Variants in CYFIP1 observed in about 807,000 individuals in gnomAD.
CYFIP1 encodes cytoplasmic FMR1 interacting protein 1.
CYFIP1 carries 58 observed loss-of-function variants against 163.5 expected under a neutral mutation model. That is an observed-to-expected ratio of 0.35 (90% confidence interval 0.29 to 0.44). CYFIP1 has a LOEUF of 0.44. CYFIP1 is among the 20% of genes least tolerant of loss of function. The pLI is 1.00. For missense variants in CYFIP1, 1,338 were observed against 1,653.8 expected, an observed-to-expected ratio of 0.81 and a Z score of 3.31; for synonymous variants, 663 against 660.7, an observed-to-expected ratio of 1.00 and a Z score of -0.05.
Position 22,874,460 on chromosome 15 carries a change from G to A in CYFIP1, c.3210+90C>T, listed in dbSNP as rs556118689. On this transcript the variant is annotated intron_variant, in intron 28 of 30. Transcript: ENST00000617928. Reference sequence around the variant, plus strand: ...CAGCCACGCAGCCGCTGGACTTCACGATGCCTTCCAGTCTGGCTCCCAACC... The same window carrying A: ...CAGCCACGCAGCCGCTGGACTTCACAATGCCTTCCAGTCTGGCTCCCAACC... 74 of 949,782 alleles carry A rather than the reference G, an allele frequency of 7.8e-5. 1 individual carries two copies. In the South Asian group the frequency reaches 9.9e-4, roughly 13 times the overall value. 58.8% of individuals were successfully genotyped at this position (949,782 alleles called of 1,614,324 possible).
In CYFIP1 at chr15:22,918,852, C is replaced by T. The variant is rs759931816; in HGVS notation, c.1366G>A (p.Ala456Thr). The T allele has an allele frequency of 1.9e-6, 3 of 1,599,938 alleles. No homozygotes were observed. The highest frequency in any genetic ancestry group is 1.1e-5 in the South Asian group (1 of 88,672). The change falls in exon 14 of 31, where the codon GCC (alanine) becomes ACC (threonine). Residue 456 changes from alanine to threonine, a missense_variant. Physicochemically the swap from Ala to Thr is moderately conservative, Grantham distance 58. Transcript: ENST00000617928. ...EEKFALVEVI[A>T]MIKGLQVLMG... ...AGCACCTGCAGGCCTTTGATCATGG[C>T]GATCACCTGCGGGGGACACAGCAAC...
Position 22,879,930 on chromosome 15 carries a change from G to A in CYFIP1, c.3025C>T (p.Leu1009Phe), listed in dbSNP as rs1300856367. 1.9e-6 allele frequency: 3 copies of A among 1,612,640 alleles called. No individual in the cohort carries two copies. Among genetic ancestry groups the A allele is most frequent in the Non-Finnish European group, 2.5e-6 (3 of 1,179,938 alleles). ...EVGNAILFCL[L>F]IEQSLSLEEV... ...CCACTCACCAGGCTCTGCTCGATGAGCAGGCAGAAGAGGATGGCGTTCCCC... is the reference window on the plus strand; with the variant it reads ...CCACTCACCAGGCTCTGCTCGATGAACAGGCAGAAGAGGATGGCGTTCCCC... The change falls in exon 26 of 31, where the codon CTC becomes TTC. Residue 1009 changes from leucine to phenylalanine, a missense_variant. By Grantham distance (22) the Leu-to-Phe change is conservative (BLOSUM62 0). Around this residue, in one of 4 missense-constraint regions of CYFIP1, gnomAD observed 306 missense variants for 322.1 expected, o/e 0.95. Transcript: ENST00000617928.
rs532553833 is a variant in CYFIP1, at chr15:22,954,995, C to G, written c.-6-7704G>C. Among the ~76,000 whole-genome samples, 3 of 152,314 alleles carry G rather than the reference C, an allele frequency of 2.0e-5. No individual in the cohort carries two copies. The East Asian group carries it at 5.8e-4, about 29-fold the overall frequency. Reference sequence around the variant, plus strand: ...GGGCGGTGGCAGACTGGCTCCGTGTCTGAGCTCACATCATGCTGCACACCT... The same window carrying G: ...GGGCGGTGGCAGACTGGCTCCGTGTGTGAGCTCACATCATGCTGCACACCT... On this transcript the variant is annotated intron_variant, in intron 1 of 30. Coordinates refer to ENST00000617928, the MANE Select transcript of CYFIP1 (RefSeq NM_014608.6).
intron 10 of CYFIP1, 148 bp from the exon 11 acceptor site, chr15:22,932,488 T>C (rs530732429): frequency 3.5e-5 from 18 of 519,166 alleles, no homozygotes; most frequent in Admixed American, 1.2e-4. Flanking sequence ...CACAGAAGCA[T>C]ATCCGAAGGA....
intron 17 of CYFIP1, among the ~76,000 whole-genome samples, chr15:22,912,815 G>A (rs571480064): frequency 6.6e-6 from 1 of 152,244 alleles, no homozygotes; most frequent in Admixed American, 6.5e-5. Flanking sequence ...CAGCTACTTG[G>A]GAGGCTGAGG....
In CYFIP1 at chr15:22,872,872, G is replaced by A. The variant is rs886404049; in HGVS notation, c.3550C>T (p.Leu1184Phe). 5 of 1,613,984 alleles carry A rather than the reference G, an allele frequency of 3.1e-6. No individual in the cohort carries two copies. The African/African-American group carries it at 5.3e-5, about 17-fold the overall frequency. Residue 1184 changes from leucine to phenylalanine, a missense_variant, in exon 30 of 31, where the codon CTT (leucine) becomes TTT (phenylalanine). Around this residue, in one of 4 missense-constraint regions of CYFIP1, gnomAD observed 306 missense variants for 322.1 expected, o/e 0.95. Coordinates refer to ENST00000617928, the MANE Select transcript of CYFIP1 (RefSeq NM_014608.6). ...TTGCCATCATGTTTCTGGACTTTAA[G>A]TAGATGGTAGCAGAAATCCAGCACA... is the stretch of plus-strand genomic sequence containing the variant. The part of the protein sequence containing the change: ...FAVLDFCYHL[L>F]KVQKHDGKDE...
chr15:22,962,412 T>G (rs1030320185), intron 1 of CYFIP1, among the ~76,000 whole-genome samples: 2 of 150,946 alleles, frequency 1.3e-5, no homozygotes, highest in African/African-American at 4.9e-5. Flanking sequence ...TTTTTTTTTT[T>G]CTTGAGACGG....
intron 1 of CYFIP1, among the ~76,000 whole-genome samples, chr15:22,979,580 C>T (rs534970791): frequency 5.9e-5 from 9 of 152,348 alleles, no homozygotes; most frequent in African/African-American, 2.2e-4. Flanking sequence ...CAGCTTAAAA[C>T]ACGTTCCATC....
chr15:22,978,845 G>C (rs984148719), intron 1 of CYFIP1, among the ~76,000 whole-genome samples: 1 of 152,110 alleles, frequency 6.6e-6, no homozygotes, highest in Non-Finnish European at 1.5e-5. Context: ...GGGCAAAGCA[G>C]GAGGACTGAG....
chr15:22,867,693 C>G lies in CYFIP1; in HGVS notation c.*2335G>C, dbSNP rs1019655504. On this transcript the variant is annotated 3_prime_UTR_variant, in exon 31 of 31. Coordinates refer to ENST00000617928, the MANE Select transcript of CYFIP1 (RefSeq NM_014608.6). ...GACTAGGGTTGTTTCTTAAATTTAG[C>G]TCATGTTATAATAAAAAGTTGAAAT... 2.6e-5 allele frequency: 4 copies of G among 152,404 alleles called. No homozygotes were observed. Among genetic ancestry groups the G allele is most frequent in the African/African-American group, 9.7e-5 (4 of 41,388 alleles). 9.4% of individuals were successfully genotyped at this position (152,404 alleles called of 1,614,324 possible).
In CYFIP1 at chr15:22,878,266, C is replaced by T. The variant is rs763130149; in HGVS notation, c.3042+1647G>A. 3.9e-5 allele frequency among the ~76,000 whole-genome samples: 6 copies of T among 152,022 alleles called. No individual in the cohort carries two copies. The East Asian group carries it at 9.7e-4, about 25-fold the overall frequency. On this transcript the variant is annotated intron_variant, in intron 26 of 30. Transcript: ENST00000617928. Reference sequence around the variant, plus strand: ...GAAGAAGAAGGAGCAAGGCAGGGAACGCGGCAAGTGGGGACTCGAGAGTCA... The same window carrying T: ...GAAGAAGAAGGAGCAAGGCAGGGAATGCGGCAAGTGGGGACTCGAGAGTCA...
chr15:22,874,387 G>A (rs1046969416), intron 28 of CYFIP1, among the ~76,000 whole-genome samples, 163 bp downstream of exon 28: 3 of 152,218 alleles, frequency 2.0e-5, no homozygotes, highest in Non-Finnish European at 4.4e-5. Flanking sequence ...CCACCACCCA[G>A]GGAAGCAGTC....
At chr15:22,962,954 T>C (rs1489210959) in intron 1 of CYFIP1, among the ~76,000 whole-genome samples, 1 of 152,180 alleles carries the variant, frequency 6.6e-6, no homozygotes, top group Non-Finnish European at 1.5e-5. Flanking sequence ...TTGGCTGTCA[T>C]GACCTCTGAG....
chr15:22,920,778 T>C (rs1187846163), intron 13 of CYFIP1, among the ~76,000 whole-genome samples: 1 of 152,208 alleles, frequency 6.6e-6, no homozygotes, highest in Admixed American at 6.5e-5. Context: ...CCTAATGCCA[T>C]GCTTGTGTTT....
At chr15:22,894,790 T>A (rs1260725564) in intron 22 of CYFIP1, among the ~76,000 whole-genome samples, 1 of 147,940 alleles carries the variant, frequency 6.8e-6, no homozygotes, top group Non-Finnish European at 1.5e-5. Context: ...ATATGATACA[T>A]AACATAATAC....
intron 1 of CYFIP1, chr15:22,951,592 A>AG (rs1445276318): frequency 2.4e-6 from 3 of 1,276,040 alleles, no homozygotes; most frequent in African/African-American, 3.1e-5. Flanking sequence ...GAACCCAGAT[A>AG]GTGCCAGGAG....
At chr15:22,947,138 G>C in intron 2 of CYFIP1, 31 bp downstream of exon 2, 1 of 1,614,124 alleles carries the variant, frequency 6.2e-7, no homozygotes, top group Non-Finnish European at 8.5e-7. Flanking sequence ...CGGAGCACAG[G>C]CTGTACGCCC....
chr15:22,873,449 C>A (rs756464330), intron 29 of CYFIP1, 42 bp downstream of exon 29: 8 of 1,531,938 alleles, frequency 5.2e-6, no homozygotes, highest in Non-Finnish European at 7.2e-6. Context: ...CACAGCTCCT[C>A]CCCTCCTCTG....
At chr15:22,908,682 C>A (rs1412172137) in intron 21 of CYFIP1, among the ~76,000 whole-genome samples, 1 of 151,748 alleles carries the variant, frequency 6.6e-6, no homozygotes, top group East Asian at 1.9e-4. Context: ...GTGCCTGCCA[C>A]CACGCCCGCC....
Sources: gnomAD v4.1 joint callset for allele counts (sites outside exome capture counted in the v4.1 genomes callset) on GRCh38, gnomAD v4.1.1 for gene constraint, gnomAD v4.1.1 regional missense constraint, MANE v1.5 for transcripts, NCBI Gene and HGNC (gene_info 2026-07-23, HGNC 2026-07-21) for gene names.